NBEA: variants seen among roughly 807,000 people sequenced by gnomAD.
The protein encoded by NBEA is neurobeachin, also known as lysosomal-trafficking regulator 2.
Under a neutral mutation model 343.4 loss-of-function variants are expected in NBEA, and 44 were observed. The observed-to-expected ratio is 0.13, with a 90% CI of 0.10 to 0.16. NBEA has a LOEUF of 0.16. Ranked by LOEUF, NBEA falls within the 10% of genes least tolerant of loss-of-function variation. The pLI is 1.00. For missense variants in NBEA, 2,555 were observed against 3,631.3 expected, an observed-to-expected ratio of 0.70 and a Z score of 7.62; for synonymous variants, 1,175 against 1,238.7, an observed-to-expected ratio of 0.95 and a Z score of 1.08.
chr13:35,022,006 T>C (rs911810247), intron 1 of NBEA, among the ~76,000 whole-genome samples: 8 of 152,198 alleles, frequency 5.3e-5, no homozygotes, highest in African/African-American at 1.4e-4. Flanking sequence ...TAAAAGTCTA[T>C]GAGCAACAAA....
chr13:35,167,679 G>T (rs950988857), intron 24 of NBEA, among the ~76,000 whole-genome samples: 1 of 151,708 alleles, frequency 6.6e-6, no homozygotes, highest in African/African-American at 2.4e-5. Context: ...TCTTTGCTTT[G>T]GGAAAGCAGC....
intron 41 of NBEA, among the ~76,000 whole-genome samples, chr13:35,473,063 C>T (rs576761291): frequency 1.3e-5 from 2 of 152,168 alleles, no homozygotes; most frequent in East Asian, 3.9e-4. Context: ...ATTCTCTGAG[C>T]TTTGATTTTA....
At chr13:35,226,066 T>G (rs569296235) in intron 33 of NBEA, among the ~76,000 whole-genome samples, 36 of 152,304 alleles carry the variant, frequency 2.4e-4, no homozygotes, top group African/African-American at 8.7e-4. Context: ...ACAAATTCTT[T>G]CGGTGCTTTA....
intron 51 of NBEA, among the ~76,000 whole-genome samples, chr13:35,647,083 G>T (rs2084272519): frequency 6.6e-6 from 1 of 152,124 alleles, no homozygotes; most frequent in Admixed American, 6.5e-5. Context: ...CTTTGCAAGG[G>T]AGTCATATTC....
chr13:35,671,111 C>A lies in NBEA; in HGVS notation c.*120C>A. On this transcript the variant is annotated 3_prime_UTR_variant, in exon 59 of 59. Coordinates refer to ENST00000379939, the MANE Select transcript of NBEA (RefSeq NM_001385012.1). ...ACCTCCGTTTGTACATTCCATCACACCCAGCAATAGCTGTACATTGTAGTC... is the reference window on the plus strand; with the variant it reads ...ACCTCCGTTTGTACATTCCATCACAACCAGCAATAGCTGTACATTGTAGTC... 1.5e-6 allele frequency: 1 copy of A among 664,528 alleles called. No individual in the cohort carries two copies. The highest frequency in any genetic ancestry group is 2.6e-6 in the Non-Finnish European group (1 of 378,130). The allele number at this position is 664,528 out of a possible 1,614,324, so 41.2% of individuals were successfully genotyped here. A position where few individuals can be genotyped will look rare whatever the true frequency, so the allele number is the denominator to read the frequency against.
chr13:35,513,140 CTTT>C (rs761107026), intron 41 of NBEA, among the ~76,000 whole-genome samples: 1 of 136,418 alleles, frequency 7.3e-6, no homozygotes. Context: ...TTACTTTTTT[CTTT>C]TTTTTTTTTT....
At chr13:35,379,689 A>T (rs1331076948) in intron 38 of NBEA, among the ~76,000 whole-genome samples, 1 of 143,716 alleles carries the variant, frequency 7.0e-6, no homozygotes, top group Non-Finnish European at 1.5e-5. Context: ...TGTATATGGC[A>T]TGAGGCAGAA....
intron 36 of NBEA, among the ~76,000 whole-genome samples, chr13:35,319,229 G>A (rs888033863): frequency 2.6e-4 from 40 of 152,238 alleles, no homozygotes; most frequent in African/African-American, 8.9e-4. Context: ...TCCATTGTGG[G>A]CATTTAGTGC....
At chr13:35,149,631 G>GT (rs2068647791) in intron 18 of NBEA, among the ~76,000 whole-genome samples, 1 of 152,114 alleles carries the variant, frequency 6.6e-6, no homozygotes, top group South Asian at 2.1e-4. Context: ...ACGTGTTTAT[G>GT]TTTTGATTTT....
chr13:35,469,596 A>G (rs2075551098), intron 40 of NBEA, among the ~76,000 whole-genome samples: 2 of 152,190 alleles, frequency 1.3e-5, no homozygotes, highest in Non-Finnish European at 2.9e-5. Context: ...TGTCTTATCC[A>G]TTTGTTTAAC....
intron 41 of NBEA, among the ~76,000 whole-genome samples, chr13:35,486,862 T>C (rs1185298875): frequency 2.0e-5 from 3 of 152,018 alleles, no homozygotes; most frequent in Admixed American, 6.6e-5. Flanking sequence ...AGGAAAGATA[T>C]GTACTGTTTA....
intron 1 of NBEA, among the ~76,000 whole-genome samples, chr13:35,033,602 G>A (rs894555791): frequency 3.3e-5 from 5 of 151,792 alleles, no homozygotes; most frequent in South Asian, 2.1e-4. Context: ...GGATAGTGTG[G>A]ATATTTTAAC....
At chr13:35,089,255 G>C (rs2152623631) in intron 10 of NBEA, among the ~76,000 whole-genome samples, 1 of 137,540 alleles carries the variant, frequency 7.3e-6, no homozygotes, top group South Asian at 2.5e-4. Flanking sequence ...CGAAGGACAT[G>C]AACAGACACT....
At chr13:35,003,210 A>G (rs2061204261) in intron 1 of NBEA, among the ~76,000 whole-genome samples, 1 of 152,132 alleles carries the variant, frequency 6.6e-6, no homozygotes, top group African/African-American at 2.4e-5. Flanking sequence ...TCATCTCTAC[A>G]AAACAAAAAC....
At chr13:35,348,468 T>A (rs2040004169) in intron 36 of NBEA, among the ~76,000 whole-genome samples, 1 of 152,072 alleles carries the variant, frequency 6.6e-6, no homozygotes, top group Non-Finnish European at 1.5e-5. Context: ...ACTACACATT[T>A]TAAAAATAAT....
intron 55 of NBEA, among the ~76,000 whole-genome samples, chr13:35,664,021 G>A (rs886736881): frequency 1.3e-5 from 2 of 152,160 alleles, no homozygotes; most frequent in African/African-American, 2.4e-5. Flanking sequence ...GCTCTTGGCC[G>A]ACCAGAGTGG....
chr13:35,575,689 T>C (rs2080700801), intron 45 of NBEA, among the ~76,000 whole-genome samples: 1 of 152,168 alleles, frequency 6.6e-6, no homozygotes, highest in African/African-American at 2.4e-5. Flanking sequence ...CATGATTATA[T>C]CTAACAAAAC....
At chr13:35,332,164 G>A (rs1014182826) in intron 36 of NBEA, among the ~76,000 whole-genome samples, 1 of 151,910 alleles carries the variant, frequency 6.6e-6, no homozygotes, top group Non-Finnish European at 1.5e-5. Context: ...GATTTTGTAC[G>A]TCATTTACTG....
chr13:35,339,668 G>A (rs991095931), intron 36 of NBEA, among the ~76,000 whole-genome samples: 13 of 152,024 alleles, frequency 8.6e-5, no homozygotes, highest in African/African-American at 3.1e-4. Context: ...GAGGCCTCAG[G>A]AAACAAACAA....
Sources: allele counts gnomAD v4.1 joint callset (sites outside exome capture counted in the v4.1 genomes callset), GRCh38; gene constraint gnomAD v4.1.1; transcripts MANE v1.5; gene names NCBI Gene and HGNC (gene_info 2026-07-23, HGNC 2026-07-21).